VPS54: variants seen among roughly 807,000 people sequenced by gnomAD.
VPS54 encodes the protein VPS54 subunit of GARP complex.
In VPS54, 45 loss-of-function variants were observed where a neutral mutation model predicts 121.5. The observed-to-expected ratio is 0.37, with a 90% confidence interval of 0.29 to 0.47. The LOEUF is 0.47. Among genes scored for constraint, VPS54 ranks in the 20% least tolerant of loss-of-function variants. The probability of loss-of-function intolerance (pLI) is 0.99; values close to 1 mark genes in which losing one functional copy is unlikely to be tolerated. For synonymous variants in VPS54, 371 were observed against 385.8 expected (o/e 0.96, Z 0.45); for missense variants, 1,090 against 1,131.4 (o/e 0.96, Z 0.52).
At chr2:63,984,049 A>C in intron 1 of VPS54, 30 bp from the exon 2 acceptor site, 2 of 1,522,936 alleles carry the variant, frequency 1.3e-6, no homozygotes, top group Non-Finnish European at 1.8e-6. Flanking sequence ...ACTAATTAAG[A>C]CACCGCAAAT....
intron 1 of VPS54, among the ~76,000 whole-genome samples, chr2:64,000,264 AATTT>A (rs1276847819): frequency 1.3e-5 from 2 of 152,136 alleles, no homozygotes; most frequent in Non-Finnish European, 2.9e-5. Flanking sequence ...CAATCTGTTA[AATTT>A]ATCTGATAGG....
At chr2:63,991,075 A>T in intron 1 of VPS54, among the ~76,000 whole-genome samples, 1 of 152,186 alleles carries the variant, frequency 6.6e-6, no homozygotes. Context: ...GGCTCAGCTC[A>T]CAGGCTCCGA....
chr2:64,002,339 G>A (rs1475198603), intron 1 of VPS54, among the ~76,000 whole-genome samples: 6 of 152,306 alleles, frequency 3.9e-5, no homozygotes, highest in East Asian at 1.9e-4. Flanking sequence ...TCTTATGAAA[G>A]TGCTTTTGGT....
chr2:63,984,053 C>A, intron 1 of VPS54, 34 bp from the exon 2 acceptor site: 1 of 1,500,584 alleles, frequency 6.7e-7, no homozygotes, highest in Non-Finnish European at 9.0e-7. Flanking sequence ...ATTAAGACAC[C>A]GCAAATCAAA....
intron 12 of VPS54, among the ~76,000 whole-genome samples, chr2:63,926,699 A>AG (rs1355596895): frequency 6.6e-6 from 1 of 152,202 alleles, no homozygotes; most frequent in Non-Finnish European, 1.5e-5. Flanking sequence ...TCACCTGGGA[A>AG]GCACAAGGGG....
chr2:63,997,219 G>T (rs1269689188), intron 1 of VPS54, among the ~76,000 whole-genome samples: 2 of 152,152 alleles, frequency 1.3e-5, no homozygotes, highest in Non-Finnish European at 2.9e-5. Context: ...TGCCCTCGTA[G>T]AATGAGTTTT....
chr2:63,993,810 C>A (rs1377223897), intron 1 of VPS54, among the ~76,000 whole-genome samples: 1 of 152,220 alleles, frequency 6.6e-6, no homozygotes, highest in African/African-American at 2.4e-5. Flanking sequence ...GAGGCTGTTA[C>A]AGTGTTCACT....
At chr2:63,970,194 TA>T (rs200724977) in intron 4 of VPS54, among the ~76,000 whole-genome samples, 5 of 85,478 alleles carry the variant, frequency 5.8e-5, no homozygotes, top group African/African-American at 1.5e-4. Context: ...TCTTTCCCAT[TA>T]AAAAAAAATA....
At chr2:63,915,151 CAAAAAAAA>C (rs5831674) in intron 16 of VPS54, among the ~76,000 whole-genome samples, 10 of 23,852 alleles carry the variant, frequency 4.2e-4, no homozygotes, top group Non-Finnish European at 6.9e-4. Flanking sequence ...AGCTCCGTCT[CAAAAAAAA>C]AAAAAAAAAA....
At position 63,897,270 on chromosome 2, in the gene VPS54, CAG is replaced by C. The variant is rs1312942957; in HGVS notation, c.2828+224_2828+225del. On this transcript the variant is annotated intron_variant, in intron 22 of 22. Coordinates refer to ENST00000272322, the MANE Select transcript of VPS54 (RefSeq NM_016516.3). ...GCTACTAATTCACACTGCCTCAAAA[CAG>C]ATACATAACGTCAGGTAAGCAATTG... Among the ~76,000 whole-genome samples the C allele has an allele frequency of 5.3e-5, 8 of 151,928 alleles. No homozygotes were observed. In the East Asian group the frequency reaches 1.4e-3, roughly 26 times the overall value.
At chr2:63,991,944 C>T (rs1559044833) in intron 1 of VPS54, among the ~76,000 whole-genome samples, 1 of 152,234 alleles carries the variant, frequency 6.6e-6, no homozygotes, top group Non-Finnish European at 1.5e-5. Context: ...TCTAAATTTA[C>T]TACCTAACTC....
intron 1 of VPS54, among the ~76,000 whole-genome samples, chr2:64,005,076 T>TCTACTATTG (rs1678060002): frequency 7.1e-6 from 1 of 140,680 alleles, no homozygotes; most frequent in Non-Finnish European, 1.5e-5. Context: ...CCATGCCCAG[T>TCTACTATTG]CTACTATTGC....
intron 3 of VPS54, among the ~76,000 whole-genome samples, chr2:63,981,312 C>G (rs1437217961): frequency 2.0e-5 from 3 of 152,100 alleles, no homozygotes; most frequent in African/African-American, 7.2e-5. Context: ...GACACAGAAA[C>G]AGTAATATTC....
chr2:63,991,597 A>T (rs980616220), intron 1 of VPS54, among the ~76,000 whole-genome samples: 32 of 152,210 alleles, frequency 2.1e-4, no homozygotes, highest in Non-Finnish European at 1.6e-4. Context: ...CCGGCTCAAC[A>T]AACATGGCCA....
At chr2:63,904,438 CAAAA>C (rs58651830) in intron 20 of VPS54, among the ~76,000 whole-genome samples, 2 of 19,922 alleles carry the variant, frequency 1.0e-4, no homozygotes, top group Non-Finnish European at 1.6e-4. Context: ...GACTTGGTCT[CAAAA>C]AAAAAAAAAA....
rs758884604 is a variant in VPS54, at chr2:63,914,275, C to G, written c.2241G>C (p.Leu747=). The part of the protein sequence containing the change: ...QQYAVVGTVL[L]LIRIILEYCQ... ...AATATTCAAGGATAATTCTTATTAA[C>G]AGCAATACGGTTCTACAAGAAAAGA... The change falls in exon 17 of 23, where the codon CTG becomes CTC. Residue 747 remains leucine, a synonymous_variant. Coordinates refer to ENST00000272322, the MANE Select transcript of VPS54 (RefSeq NM_016516.3). 11 of 1,610,514 alleles carry G rather than the reference C, an allele frequency of 6.8e-6. No individual in the cohort carries two copies. The highest frequency in any genetic ancestry group is 8.5e-7 in the Non-Finnish European group (1 of 1,178,122).
At chr2:63,979,780 A>T (rs1559036437) in intron 3 of VPS54, among the ~76,000 whole-genome samples, 1 of 151,950 alleles carries the variant, frequency 6.6e-6, no homozygotes, top group Non-Finnish European at 1.5e-5. Context: ...ATATCTGTGG[A>T]TTTTCCACCA....
intron 1 of VPS54, among the ~76,000 whole-genome samples, chr2:64,008,682 G>A (rs778087941): frequency 6.6e-6 from 1 of 152,118 alleles, no homozygotes; most frequent in Non-Finnish European, 1.5e-5. Flanking sequence ...GTGGGAGGAG[G>A]AGTGGAAATC....
chr2:63,966,039 A>G lies in VPS54; in HGVS notation c.493-73T>C, dbSNP rs1575966942. 4.2e-6 allele frequency: 6 copies of G among 1,432,638 alleles called. No homozygotes were observed. In the East Asian group the frequency reaches 9.7e-5, roughly 23 times the overall value. The allele number at this position is 1,432,638 out of a possible 1,614,324, so 88.7% of individuals were successfully genotyped here. On this transcript the variant is annotated intron_variant, in intron 5 of 22. Transcript: ENST00000272322. ...ACCCATTATCTCTTCTAACATCATG[A>G]TCATTAAACAAAATTAACGTGGATC...
Sources: gnomAD v4.1 joint callset for allele counts (sites outside exome capture counted in the v4.1 genomes callset) on GRCh38, gnomAD v4.1.1 for gene constraint, MANE v1.5 for transcripts, NCBI Gene and HGNC (gene_info 2026-07-23, HGNC 2026-07-21) for gene names.